LRP1B: variants seen among roughly 807,000 people sequenced by gnomAD.
LRP1B encodes LDL receptor related protein 1B.
Under a neutral mutation model 556.6 loss-of-function variants are expected in LRP1B, and 217 were observed. The ratio of observed to expected loss-of-function variants is 0.39; its 90% CI spans 0.35 to 0.44. The LOEUF is 0.44. LRP1B is among the 20% of genes least tolerant of loss of function. The pLI, the probability that LRP1B is intolerant of heterozygous loss-of-function variation, is 1.00. For synonymous variants in LRP1B, 2,047 were observed against 1,865.8 expected (o/e 1.10, Z -2.50); for missense variants, 5,053 against 5,620.8 (o/e 0.90, Z 3.23).
At chr2:141,021,594 G>A (rs1525597) in intron 11 of LRP1B, among the ~76,000 whole-genome samples, 127,322 of 151,968 alleles carry the variant, frequency 0.84, 53,632 homozygotes, top group Middle Eastern at 0.9. Flanking sequence ...TCTATAGCTG[G>A]TTTTTGTTAG....
intron 41 of LRP1B, among the ~76,000 whole-genome samples, chr2:140,674,797 T>C (rs553276392): frequency 6.6e-6 from 1 of 152,346 alleles, no homozygotes; most frequent in South Asian, 2.1e-4. Context: ...TTGAATAGTT[T>C]GACTCTTTTC....
intron 86 of LRP1B, among the ~76,000 whole-genome samples, chr2:140,264,702 ATGTGTGTGTGTGTGTGTGTGTGTG>A (rs3033314): frequency 4.0e-5 from 6 of 148,866 alleles, no homozygotes; most frequent in African/African-American, 1.0e-4. Flanking sequence ...TTGTCTATAT[ATGTGTGTGTGTGTGTGTGTGTGTG>A]TGTGTGTGTG....
At chr2:140,824,766 G>A (rs1691447382) in intron 31 of LRP1B, among the ~76,000 whole-genome samples, 2 of 152,064 alleles carry the variant, frequency 1.3e-5, no homozygotes, top group South Asian at 2.1e-4. Context: ...CACCAAGTAC[G>A]CACTTCCAGT....
chr2:140,616,687 A>C (rs1683268503), intron 41 of LRP1B, among the ~76,000 whole-genome samples: 1 of 151,920 alleles, frequency 6.6e-6, no homozygotes, highest in South Asian at 2.1e-4. Flanking sequence ...TTCAGGTATA[A>C]ATTGTTTATT....
chr2:141,843,932 G>A (rs187674109), intron 1 of LRP1B, among the ~76,000 whole-genome samples: 2 of 152,066 alleles, frequency 1.3e-5, no homozygotes, highest in African/African-American at 2.4e-5. Context: ...AACATCAGCC[G>A]GCAGGAATGA....
intron 41 of LRP1B, among the ~76,000 whole-genome samples, chr2:140,642,294 C>T (rs1281538812): frequency 6.6e-6 from 1 of 152,186 alleles, no homozygotes; most frequent in Non-Finnish European, 1.5e-5. Context: ...CTGTTCAGCT[C>T]ATTCCACCGC....
At chr2:140,346,074 C>A (rs1346937008) in intron 77 of LRP1B, among the ~76,000 whole-genome samples, 1 of 150,834 alleles carries the variant, frequency 6.6e-6, no homozygotes, top group Non-Finnish European at 1.5e-5. Flanking sequence ...CTTTCTCTTT[C>A]TTCCCTAGAA....
intron 7 of LRP1B, among the ~76,000 whole-genome samples, chr2:141,127,881 T>C (rs1056220077): frequency 2.0e-5 from 3 of 152,226 alleles, no homozygotes; most frequent in Non-Finnish European, 2.9e-5. Flanking sequence ...CTCTCTGAGA[T>C]AGTCCTATTC....
intron 3 of LRP1B, among the ~76,000 whole-genome samples, chr2:141,476,906 C>T (rs1361451187): frequency 6.6e-6 from 1 of 152,114 alleles, no homozygotes; most frequent in African/African-American, 2.4e-5. Flanking sequence ...GGTGGATCAC[C>T]TGAGGTTGGG....
chr2:140,747,946 G>A (rs959020431), intron 35 of LRP1B, among the ~76,000 whole-genome samples: 2 of 151,240 alleles, frequency 1.3e-5, no homozygotes, highest in South Asian at 2.1e-4. Flanking sequence ...TTTTCAGGAC[G>A]TAGGGCGGGT....
At chr2:141,659,656 T>C (rs1690139041) in intron 2 of LRP1B, among the ~76,000 whole-genome samples, 2 of 152,066 alleles carry the variant, frequency 1.3e-5, no homozygotes, top group South Asian at 2.1e-4. Context: ...GCATACTCCT[T>C]CCTTGGATAT....
chr2:141,464,561 C>T (rs1253564213), intron 3 of LRP1B, among the ~76,000 whole-genome samples: 2 of 139,112 alleles, frequency 1.4e-5, no homozygotes, highest in Non-Finnish European at 1.6e-5. Flanking sequence ...TACAGTCGCC[C>T]GCCACCACGC....
At chr2:142,077,776 A>C (rs1705560352) in intron 1 of LRP1B, among the ~76,000 whole-genome samples, 1 of 152,104 alleles carries the variant, frequency 6.6e-6, no homozygotes, top group South Asian at 2.1e-4. Context: ...AATGATCTCT[A>C]GTCTATTACA....
intron 1 of LRP1B, among the ~76,000 whole-genome samples, chr2:141,987,512 A>T (rs1439030020): frequency 6.7e-6 from 1 of 149,246 alleles, no homozygotes; most frequent in Non-Finnish European, 1.5e-5. Context: ...CAATTAATTA[A>T]CCTTACAGAA....
intron 49 of LRP1B, among the ~76,000 whole-genome samples, chr2:140,521,500 A>G (rs185914631): frequency 6.6e-6 from 1 of 152,064 alleles, no homozygotes; most frequent in Non-Finnish European, 1.5e-5. Flanking sequence ...TTAAAGGACT[A>G]GATCACCACC....
intron 20 of LRP1B, among the ~76,000 whole-genome samples, chr2:140,949,342 A>G (rs1451520233): frequency 1.3e-5 from 2 of 152,198 alleles, no homozygotes; most frequent in Non-Finnish European, 2.9e-5. Flanking sequence ...TAAGATTTCC[A>G]ACATGACTTT....
At chr2:140,431,157 T>C (rs1472574514) in intron 66 of LRP1B, among the ~76,000 whole-genome samples, 5 of 152,160 alleles carry the variant, frequency 3.3e-5, no homozygotes, top group Non-Finnish European at 7.4e-5. Context: ...TAGTATTCAG[T>C]GAAACCTTTA....
At chr2:140,398,866 G>A (rs925031091) in intron 66 of LRP1B, among the ~76,000 whole-genome samples, 9 of 152,062 alleles carry the variant, frequency 5.9e-5, no homozygotes, top group Non-Finnish European at 1.3e-4. Flanking sequence ...AACTTGTGAT[G>A]AATGGAATAT....
intron 2 of LRP1B, among the ~76,000 whole-genome samples, chr2:141,599,045 TCCCCCCCGCCCCCCCCCCC>T (rs1687630948): frequency 3.5e-5 from 1 of 28,966 alleles, no homozygotes; most frequent in Admixed American, 5.2e-4. Flanking sequence ...TTTGTTCAAC[TCCCCCCCGCCCCCCCCCCC>T]CCCCCCCCCC....
Sources: allele counts gnomAD v4.1 joint callset (sites outside exome capture counted in the v4.1 genomes callset), GRCh38; gene constraint gnomAD v4.1.1; transcripts MANE v1.5; gene names NCBI Gene and HGNC (gene_info 2026-07-23, HGNC 2026-07-21).